Variants in G3BP2 observed in about 807,000 individuals in gnomAD.
G3BP2 encodes G3BP stress granule assembly factor 2, also known as ras GTPase-activating protein-binding protein 2.
Under a neutral mutation model 56.7 loss-of-function variants are expected in G3BP2, and 11 were observed. That is an observed-to-expected ratio of 0.19 (90% CI 0.12 to 0.32). The LOEUF (loss-of-function observed/expected upper bound fraction) is 0.32, where lower values mean the gene tolerates loss of function less well. Ranked by LOEUF, G3BP2 falls within the 10% of genes least tolerant of loss-of-function variation. The pLI is 1.00. For synonymous variants in G3BP2, 165 were observed against 191.6 expected (o/e 0.86, Z 1.15); for missense variants, 340 against 610.9 (o/e 0.56, Z 4.67).
exon 3 of G3BP2, among the ~76,000 whole-genome samples, chr4:75,720,927 G>A (rs911187158): frequency 1.3e-5 from 2 of 148,418 alleles, no homozygotes; most frequent in Admixed American, 6.7e-5. Flanking sequence ...GCTTGAGGCC[G>A]GGAGTTTGAC....
chr4:75,655,786 T>C lies in G3BP2; in HGVS notation c.527A>G (p.Tyr176Cys), dbSNP rs768895465. 12 of 1,582,238 alleles carry C rather than the reference T, an allele frequency of 7.6e-6. No individual in the cohort carries two copies. The highest frequency in any genetic ancestry group is 2.2e-5 in the East Asian group (1 of 44,690). Reference sequence around the variant, plus strand: ...TGCTTACGTCACAGGGTGAGCTTCATAGTAACCACTGTTAGCATTTTCTTG... The same window carrying C: ...TGCTTACGTCACAGGGTGAGCTTCACAGTAACCACTGTTAGCATTTTCTTG... Reference protein sequence around the residue: ...PVQENANSGYYEAHPVTNGIE... With the variant: ...PVQENANSGYCEAHPVTNGIE... The change falls in exon 6 of 12, where the codon TAT (tyrosine) becomes TGT (cysteine). Residue 176 changes from tyrosine to cysteine, a missense_variant. Tyr to Cys is a radical substitution (Grantham distance 194). This residue lies in a region of G3BP2 where 224 missense variants were observed against 332.5 expected (regional missense o/e 0.67). Coordinates refer to ENST00000359707, the MANE Select transcript of G3BP2 (RefSeq NM_203505.3).
At chr4:75,703,406 T>TAA (rs747542305) in intron 3 of G3BP2, among the ~76,000 whole-genome samples, 3 of 152,140 alleles carry the variant, frequency 2.0e-5, no homozygotes, top group Non-Finnish European at 2.9e-5. Context: ...CACTTACCCT[T>TAA]AGTCACGTAT....
At position 75,655,823 on chromosome 4, in the gene G3BP2, G is replaced by A; in HGVS notation, c.490C>T (p.Pro164Ser). 6.2e-7 allele frequency: 1 copy of A among 1,602,952 alleles called. No individual in the cohort carries two copies. Among genetic ancestry groups the A allele is most frequent in the Non-Finnish European group, 8.5e-7 (1 of 1,169,992 alleles). ...TTAGCATTTTCTTGCACAGGTTCAG[G>A]AGATGGTTGTCTTTCTTCTTGTTCC... ...EEEQEERQPS[P>S]EPVQENANSG... The change falls in exon 6 of 12, where the codon CCT (proline) becomes TCT (serine). Residue 164 changes from proline to serine, a missense_variant. Coordinates refer to ENST00000359707, the MANE Select transcript of G3BP2 (RefSeq NM_203505.3).
upstream of G3BP2, among the ~76,000 whole-genome samples, chr4:75,675,148 C>G (rs1046327649): frequency 6.6e-6 from 1 of 152,186 alleles, no homozygotes; most frequent in Non-Finnish European, 1.5e-5. Flanking sequence ...CAATCTGCCT[C>G]CACAGTCCAT....
At chr4:75,648,576 A>T in intron 9 of G3BP2, 63 bp downstream of exon 9, 2 of 848,034 alleles carry the variant, frequency 2.4e-6, no homozygotes, top group Admixed American at 2.1e-5. Context: ...TTTTTTGTTT[A>T]AGTTCAGTCT....
rs749753720 is a variant in G3BP2, at chr4:75,658,895, T to C, written c.125A>G (p.His42Arg). The change falls in exon 3 of 12, where the codon CAT (histidine) becomes CGT (arginine). Residue 42 changes from histidine to arginine, a missense_variant. By Grantham distance (29) the His-to-Arg change is conservative (BLOSUM62 0). Coordinates refer to ENST00000359707, the MANE Select transcript of G3BP2 (RefSeq NM_203505.3). ...RFYGRNSSYVHGGVDASGKPQ... is the reference protein window; with the variant it reads ...RFYGRNSSYVRGGVDASGKPQ... ...CTTTCCACTAGCATCTACTCCACCA[T>C]GAACATAGGAAGAATTCCTGCCATA... 1.9e-6 allele frequency: 3 copies of C among 1,612,838 alleles called. No homozygotes were observed. The highest frequency in any genetic ancestry group is 2.5e-6 in the Non-Finnish European group (3 of 1,178,778).
intron 6 of G3BP2, 23 bp from the exon 7 acceptor site, chr4:75,655,269 C>T (rs1314756288): frequency 6.4e-7 from 1 of 1,553,124 alleles, no homozygotes; most frequent in Non-Finnish European, 8.8e-7. Context: ...ATTTAGTTCA[C>T]TTTTTAGTAG....
rs914275749 is a variant in G3BP2, at chr4:75,691,143, A to C, written c.-24-29094T>G. ...CACCCAAGCTGGAGTGCAGTGGCACAATCTCTGCTCACTTCAACCTGTGCC... is the reference window on the plus strand; with the variant it reads ...CACCCAAGCTGGAGTGCAGTGGCACCATCTCTGCTCACTTCAACCTGTGCC... On this transcript the variant is annotated intron_variant, in intron 3 of 3. Transcript: ENST00000499709. Among the ~76,000 whole-genome samples, 4 of 151,394 alleles carry C rather than the reference A, an allele frequency of 2.6e-5. No homozygotes were observed. In the East Asian group the frequency reaches 7.8e-4, roughly 29 times the overall value.
chr4:75,704,232 T>C lies in G3BP2; in HGVS notation c.-25+16645A>G, dbSNP rs551221307. 2.0e-5 allele frequency among the ~76,000 whole-genome samples: 3 copies of C among 151,918 alleles called. No homozygotes were observed. In the South Asian group the frequency reaches 6.3e-4, roughly 32 times the overall value. On this transcript the variant is annotated intron_variant, in intron 3 of 3. Coordinates refer to the G3BP2 transcript ENST00000499709. ...TGGGGTTTCACCATGTTGGCCAAGC[T>C]GGTCTTGAACTCCTGACCTCATGAT...
In G3BP2 at chr4:75,650,694, A is replaced by G. The variant is rs111644491; in HGVS notation, c.826-1953T>C. 6.5e-3 allele frequency among the ~76,000 whole-genome samples: 991 copies of G among 152,226 alleles called. 14 individuals carry two copies. The highest frequency in any genetic ancestry group is 0.023 in the African/African-American group (953 of 41,524). On this transcript the variant is annotated intron_variant, in intron 8 of 11. Transcript: ENST00000359707. ...GTTATTTATATGTATTTACTCCTAT[A>G]AAGTCTGTATCTTTTATTTTTTTAG...
At position 75,716,749 on chromosome 4, in the gene G3BP2, A is replaced by C. The variant is rs1345056137; in HGVS notation, c.-25+4128T>G. Reference sequence around the variant, plus strand: ...AGGCTGGTCTCGAACTCCCAATCTCAGGTGATCCACCCGCCTTGGCCTCCC... The same window carrying C: ...AGGCTGGTCTCGAACTCCCAATCTCCGGTGATCCACCCGCCTTGGCCTCCC... On this transcript the variant is annotated intron_variant, in intron 3 of 3. Transcript: ENST00000499709. Among the ~76,000 whole-genome samples the C allele has an allele frequency of 2.0e-5, 3 of 151,970 alleles. No homozygotes were observed. The East Asian group carries it at 5.8e-4, about 29-fold the overall frequency.
chr4:75,670,450 T>TA (rs1242130757), intron 1 of G3BP2: 1 of 152,156 alleles, frequency 6.6e-6, no homozygotes, highest in Non-Finnish European at 1.5e-5. Flanking sequence ...GTGGTACAAA[T>TA]AAATAATAAA....
At chr4:75,705,730 C>T (rs1026898641) in intron 3 of G3BP2, among the ~76,000 whole-genome samples, 19 of 152,008 alleles carry the variant, frequency 1.2e-4, no homozygotes, top group Non-Finnish European at 7.4e-5. Context: ...GTGAGCTAGG[C>T]GGGGGCCTTA....
At chr4:75,707,054 T>C (rs2149103229) in intron 3 of G3BP2, among the ~76,000 whole-genome samples, 1 of 149,948 alleles carries the variant, frequency 6.7e-6, no homozygotes, top group Admixed American at 6.7e-5. Flanking sequence ...TAGCTGGGCG[T>C]GGTGGCGCAT....
At chr4:75,680,239 A>G (rs1734019304) in intron 3 of G3BP2, among the ~76,000 whole-genome samples, 1 of 152,224 alleles carries the variant, frequency 6.6e-6, no homozygotes, top group African/African-American at 2.4e-5. Context: ...TTAAGTTAAT[A>G]TAAAAGAGTG....
Position 75,655,253 on chromosome 4 carries a change from T to C in G3BP2, c.546-7A>G. On this transcript the variant is annotated splice_region_variant and splice_polypyrimidine_tract_variant and intron_variant, in intron 6 of 11. Transcript: ENST00000359707. ...AGGCTCCTCTATGCCATTACTACAA[T>C]AAAATATTTAGTTCACTTTTTAGTA... The C allele has an allele frequency of 6.3e-7, 1 of 1,586,880 alleles. No homozygotes were observed. The highest frequency in any genetic ancestry group is 8.6e-7 in the Non-Finnish European group (1 of 1,163,050).
intron 1 of G3BP2, among the ~76,000 whole-genome samples, chr4:75,664,318 T>A (rs1178598461): frequency 6.6e-6 from 1 of 151,778 alleles, no homozygotes; most frequent in Non-Finnish European, 1.5e-5. Flanking sequence ...GGCTGACGCC[T>A]GTAATCCCAG....
intron 8 of G3BP2, among the ~76,000 whole-genome samples, chr4:75,650,112 TA>T (rs1224548948): frequency 2.0e-5 from 3 of 152,058 alleles, no homozygotes; most frequent in African/African-American, 7.2e-5. Context: ...ACAGATATTG[TA>T]ATTTACAAGG....
chr4:75,684,763 A>G (rs1036728021), intron 3 of G3BP2, among the ~76,000 whole-genome samples: 3 of 151,434 alleles, frequency 2.0e-5, no homozygotes, highest in African/African-American at 7.3e-5. Context: ...TGTTTGTGAA[A>G]CCATGAACAT....
Sources: gnomAD v4.1 joint callset for allele counts (sites outside exome capture counted in the v4.1 genomes callset) on GRCh38, gnomAD v4.1.1 for gene constraint, gnomAD v4.1.1 regional missense constraint, MANE v1.5 for transcripts, NCBI Gene and HGNC (gene_info 2026-07-23, HGNC 2026-07-21) for gene names.